GNAS-AS1: variants seen among roughly 807,000 people sequenced by gnomAD.
GNAS-AS1 encodes the protein GNAS antisense RNA 1, also known as GNAS antisense RNA 1 (non-protein coding).
Position 58,840,009 on chromosome 20 carries a change from T to G in GNAS-AS1, n.819+1928A>C. 1 of 1,397,610 alleles carries G rather than the reference T, an allele frequency of 7.2e-7. No individual in the cohort carries two copies. Among genetic ancestry groups the G allele is most frequent in the Non-Finnish European group, 1.0e-6 (1 of 999,906 alleles). 86.6% of individuals were successfully genotyped at this position (1,397,610 alleles called of 1,614,324 possible). A position where few individuals can be genotyped will look rare whatever the true frequency, so the allele number is the denominator to read the frequency against. On this transcript the variant is annotated intron_variant and non_coding_transcript_variant, in intron 4 of 4. Coordinates refer to ENST00000424094, the Ensembl canonical transcript of GNAS-AS1. The surrounding 1 kb of genome is among the most constrained non-coding windows in gnomAD (Gnocchi z 6.0). ...ACCTCCGGGCCAGCTTCTCACCTCA[T>G]AGGGTGTACCTTTCCCGGCTCCAGC... is the stretch of plus-strand genomic sequence containing the variant.
At chr20:58,842,366 G>A (rs1425042324) in intron 3 of GNAS-AS1, 1 of 398,160 alleles carries the variant, frequency 2.5e-6, no homozygotes, top group Non-Finnish European at 4.4e-6. Flanking sequence ...AGCGTTTTGA[G>A]GGCTTGAGAT....
At position 58,840,995 on chromosome 20, in the gene GNAS-AS1, G is replaced by C; in HGVS notation, n.819+942C>G. ...GTCAGGGGCGAGTGGGAAGAGAGGA[G>C]GCTCAGCTGGTCAGCCTGGGATCGG... On this transcript the variant is annotated intron_variant and non_coding_transcript_variant, in intron 4 of 4. Transcript: ENST00000424094. This position sits in a 1 kb window ranked among gnomAD's most constrained non-coding sequence, Gnocchi z 6.0. 8.2e-7 allele frequency: 1 copy of C among 1,217,014 alleles called. No homozygotes were observed. The highest frequency in any genetic ancestry group is 1.2e-6 in the Non-Finnish European group (1 of 852,504). 75.4% of individuals were successfully genotyped at this position (1,217,014 alleles called of 1,614,324 possible). A position where few individuals can be genotyped will look rare whatever the true frequency, so the allele number is the denominator to read the frequency against.
At chr20:58,829,209 T>A (rs2085539701) in intron 4 of GNAS-AS1, among the ~76,000 whole-genome samples, 1 of 152,168 alleles carries the variant, frequency 6.6e-6, no homozygotes, top group South Asian at 2.1e-4. Context: ...ATTCCCCACA[T>A]CCATGTTATC....
chr20:58,843,778 G>A (rs1186374552), intron 2 of GNAS-AS1, among the ~76,000 whole-genome samples: 2 of 152,172 alleles, frequency 1.3e-5, no homozygotes, highest in East Asian at 3.8e-4. Context: ...AGGGGAGGGC[G>A]ACCCAAAGGT....
intron 4 of GNAS-AS1, among the ~76,000 whole-genome samples, chr20:58,823,248 C>A (rs1310520280): frequency 1.3e-5 from 2 of 152,238 alleles, no homozygotes; most frequent in Non-Finnish European, 2.9e-5. Context: ...TGTTTAAATA[C>A]CACTGCCTCA....
chr20:58,830,356 TCAC>T (rs200091506), intron 4 of GNAS-AS1, among the ~76,000 whole-genome samples: 903 of 37,062 alleles, frequency 0.024, 14 homozygotes, highest in East Asian at 0.07. Context: ...CACACCACCA[TCAC>T]CACCACCACA....
At chr20:58,833,024 C>T (rs2085577646) in intron 4 of GNAS-AS1, among the ~76,000 whole-genome samples, 1 of 152,274 alleles carries the variant, frequency 6.6e-6, no homozygotes, top group Admixed American at 6.5e-5. Context: ...AGGGACCCTG[C>T]ACCATCTCCA....
chr20:58,840,489 A>T lies in GNAS-AS1; in HGVS notation n.819+1448T>A. ...GAGTCCGAGACCGACTTCGAGACCG[A>T]GCCTGAGACCGCCCCCACCACTGAG... On this transcript the variant is annotated intron_variant and non_coding_transcript_variant, in intron 4 of 4. Transcript: ENST00000424094. The surrounding 1 kb of genome is among the most constrained non-coding windows in gnomAD (Gnocchi z 6.0). 1 of 1,613,246 alleles carries T rather than the reference A, an allele frequency of 6.2e-7. No homozygotes were observed.
At chr20:58,831,473 G>C (rs1387158879) in intron 4 of GNAS-AS1, among the ~76,000 whole-genome samples, 4 of 152,264 alleles carry the variant, frequency 2.6e-5, no homozygotes, top group African/African-American at 9.6e-5. Flanking sequence ...TCAGGAGATG[G>C]AGACCATCCT....
At chr20:58,837,463 A>G (rs908277326) in intron 4 of GNAS-AS1, among the ~76,000 whole-genome samples, 18 of 152,254 alleles carry the variant, frequency 1.2e-4, no homozygotes, top group African/African-American at 3.9e-4. Flanking sequence ...AGAGCAGGGC[A>G]CAACTGGAAC....
intron 4 of GNAS-AS1, among the ~76,000 whole-genome samples, chr20:58,820,793 T>C (rs1233628512): frequency 6.6e-6 from 1 of 152,186 alleles, no homozygotes; most frequent in East Asian, 1.9e-4. Flanking sequence ...TCAGATCTCA[T>C]GAGACTCGCT....
chr20:58,830,147 C>T (rs977431200), intron 4 of GNAS-AS1, among the ~76,000 whole-genome samples: 1 of 151,454 alleles, frequency 6.6e-6, no homozygotes, highest in African/African-American at 2.4e-5. Context: ...CACCACCATA[C>T]CACCACCACC....
intron 4 of GNAS-AS1, among the ~76,000 whole-genome samples, chr20:58,837,182 G>A (rs768581338): frequency 6.6e-6 from 1 of 152,006 alleles, no homozygotes; most frequent in Non-Finnish European, 1.5e-5. Flanking sequence ...TTCCCCCAAC[G>A]TGCCCTGAAA....
At chr20:58,828,381 G>T (rs773960051) in intron 4 of GNAS-AS1, among the ~76,000 whole-genome samples, 1 of 152,216 alleles carries the variant, frequency 6.6e-6, no homozygotes, top group Non-Finnish European at 1.5e-5. Flanking sequence ...TATCAAGGGG[G>T]CTGACATCTG....
chr20:58,838,383 C>T (rs2085625252), intron 4 of GNAS-AS1, among the ~76,000 whole-genome samples: 1 of 152,172 alleles, frequency 6.6e-6, no homozygotes, highest in Non-Finnish European at 1.5e-5. Flanking sequence ...TGTCTGACCG[C>T]CCCCTAGCCC....
chr20:58,848,811 G>T, intron 2 of GNAS-AS1: 2 of 398,212 alleles, frequency 5.0e-6, no homozygotes, highest in South Asian at 1.3e-4. Context: ...TCAACTCCTC[G>T]AACATTTGGC....
chr20:58,836,686 C>T (rs985438659), intron 4 of GNAS-AS1, among the ~76,000 whole-genome samples: 7 of 152,206 alleles, frequency 4.6e-5, no homozygotes, highest in South Asian at 2.1e-4. Flanking sequence ...TTTAAAGTCA[C>T]GCACGTAATG....
At chr20:58,827,843 G>C (rs2085530941) in intron 4 of GNAS-AS1, among the ~76,000 whole-genome samples, 3 of 152,194 alleles carry the variant, frequency 2.0e-5, no homozygotes, top group Admixed American at 1.3e-4. Context: ...GAAAACTGTG[G>C]CTGGTGCAGG....
At chr20:58,824,636 C>A (rs1188817625) in intron 4 of GNAS-AS1, among the ~76,000 whole-genome samples, 4 of 152,112 alleles carry the variant, frequency 2.6e-5, no homozygotes, top group African/African-American at 9.7e-5. Context: ...CAGCCCAACC[C>A]GAGAAAGAAC....
Sources: allele counts gnomAD v4.1 joint callset (sites outside exome capture counted in the v4.1 genomes callset), GRCh38; gene constraint gnomAD v4.1.1; non-coding constraint Gnocchi (gnomAD v3.1); transcripts MANE v1.5; gene names NCBI Gene and HGNC (gene_info 2026-07-23, HGNC 2026-07-21).